MCM5: variants seen among roughly 807,000 people sequenced by gnomAD.
MCM5 encodes minichromosome maintenance complex component 5.
A neutral mutation model predicts 79.9 loss-of-function variants in MCM5; 46 were observed. The ratio of observed to expected loss-of-function variants is 0.58; its 90% CI spans 0.45 to 0.74. The LOEUF (loss-of-function observed/expected upper bound fraction) is 0.74, where lower values mean the gene tolerates loss of function less well. MCM5 is among the 30% of genes least tolerant of loss of function. The probability of loss-of-function intolerance (pLI) is 0.00; values close to 1 mark genes in which losing one functional copy is unlikely to be tolerated. For missense variants in MCM5, 883 were observed against 1,017.0 expected (o/e 0.87, Z 1.79); for synonymous variants, 404 against 390.5 (o/e 1.03, Z -0.41).
At chr22:35,414,053 G>C (rs545184041) in intron 9 of MCM5, 67 bp downstream of exon 9, 1 of 1,066,690 alleles carries the variant, frequency 9.4e-7, no homozygotes, top group East Asian at 2.4e-5. Flanking sequence ...CAGGGCCTCT[G>C]GGTCCTCAGG....
At chr22:35,416,006 T>C in intron 10 of MCM5, 34 bp downstream of exon 10, 1 of 1,599,530 alleles carries the variant, frequency 6.3e-7, no homozygotes, top group Non-Finnish European at 8.6e-7. Flanking sequence ...AGCCAAAAGG[T>C]GGGTGGCACC....
At chr22:35,436,176 AAAAAAAAG>A in the MCM5 span, among the ~76,000 whole-genome samples, 2 of 130,162 alleles carry the variant, frequency 1.5e-5, no homozygotes, top group Non-Finnish European at 3.6e-5. Context: ...AAAAAAAAAA[AAAAAAAAG>A]AAAAAAAGAA....
intron 4 of MCM5, among the ~76,000 whole-genome samples, chr22:35,405,947 G>A (rs1432379161): frequency 1.3e-5 from 2 of 151,462 alleles, no homozygotes. Context: ...GGAGGCGGAG[G>A]TTGCAGTAAG....
intron 13 of MCM5, 88 bp downstream of exon 13, chr22:35,417,944 C>T (rs944403774): frequency 3.5e-6 from 3 of 852,740 alleles, no homozygotes; most frequent in African/African-American, 3.3e-5. Flanking sequence ...TGCTCCTCCT[C>T]ATGAAGAACA....
chr22:35,417,708 C>G lies in MCM5; in HGVS notation c.1591-36C>G, dbSNP rs760709869. 10 of 1,462,818 alleles carry G rather than the reference C, an allele frequency of 6.8e-6. No individual in the cohort carries two copies. The South Asian group carries it at 1.1e-4, about 17-fold the overall frequency. The allele number at this position is 1,462,818 out of a possible 1,614,324, so 90.6% of individuals were successfully genotyped here. The stretch of plus-strand genomic sequence containing the variant: ...GTGCTGGGACTCAGGCTTGGGACGG[C>G]CTGTGGGATGACCCATTATCCCCTC... On this transcript the variant is annotated intron_variant, in intron 12 of 16. Transcript: ENST00000216122.
rs1170643026 is a variant in MCM5, at chr22:35,400,609, C to A, written c.167+4C>A. ...CGGGCTTCACCTTCAAATACAGGTG[C>A]GGCTCCTGCGGGGCCGGGGGCTCGA... On this transcript the variant is annotated splice_donor_region_variant and intron_variant, in intron 2 of 16. Coordinates refer to ENST00000216122, the MANE Select transcript of MCM5 (RefSeq NM_006739.4). 3 of 1,596,938 alleles carry A rather than the reference C, an allele frequency of 1.9e-6. No homozygotes were observed. Among genetic ancestry groups the A allele is most frequent in the Non-Finnish European group, 1.7e-6 (2 of 1,170,342 alleles).
At chr22:35,447,969 T>C in the MCM5 span, among the ~76,000 whole-genome samples, 1 of 152,034 alleles carries the variant, frequency 6.6e-6, no homozygotes, top group Admixed American at 6.5e-5. Context: ...CCCAAAAAAA[T>C]CCAGGGGAAT....
At chr22:35,418,747 C>T (rs956411319) in intron 13 of MCM5, among the ~76,000 whole-genome samples, 3 of 152,070 alleles carry the variant, frequency 2.0e-5, no homozygotes, top group African/African-American at 7.2e-5. Context: ...GCCAGGCATT[C>T]TGAATTACTA....
At chr22:35,431,923 T>G in the MCM5 span, among the ~76,000 whole-genome samples, 2 of 152,198 alleles carry the variant, frequency 1.3e-5, no homozygotes, top group Non-Finnish European at 2.9e-5. Context: ...TCTCACTTTA[T>G]GCCTGGTGAT....
At chr22:35,416,509 A>ATGTG in intron 11 of MCM5, 105 bp downstream of exon 11, 1 of 1,028,666 alleles carries the variant, frequency 9.7e-7, no homozygotes, top group South Asian at 1.4e-5. Context: ...CAGGCCTAGA[A>ATGTG]TCTGTGTGTG....
intron 14 of MCM5, 24 bp from the exon 15 acceptor site, chr22:35,421,294 C>G: frequency 1.2e-6 from 2 of 1,608,292 alleles, no homozygotes; most frequent in Non-Finnish European, 1.7e-6. Context: ...CGAGGCTACC[C>G]TGAGCACGCT....
intron 5 of MCM5, among the ~76,000 whole-genome samples, chr22:35,407,640 CTG>C (rs919553738): frequency 5.3e-4 from 81 of 152,232 alleles, no homozygotes; most frequent in African/African-American, 1.9e-3. Context: ...CTACCATAGT[CTG>C]TGTCCTCACT....
chr22:35,428,090 G>A (rs1320130437), downstream of MCM5, among the ~76,000 whole-genome samples: 3 of 149,540 alleles, frequency 2.0e-5, no homozygotes, highest in Admixed American at 6.7e-5. Flanking sequence ...GCGCGATCTC[G>A]GCTCACTGCA....
At position 35,412,635 on chromosome 22, in the gene MCM5, A is replaced by G. The variant is rs765180304; in HGVS notation, c.1045A>G (p.Met349Val). ...CCCCTCCATCTTTGGGGGCACAGACATGAAGAAGGCCATTGCCTGCCTGCT... is the reference window on the plus strand; with the variant it reads ...CCCCTCCATCTTTGGGGGCACAGACGTGAAGAAGGCCATTGCCTGCCTGCT... Reference protein sequence around the residue: ...IAPSIFGGTDMKKAIACLLFG... With the variant: ...IAPSIFGGTDVKKAIACLLFG... The change falls in exon 8 of 17, where the codon ATG (methionine) becomes GTG (valine). Residue 349 changes from methionine (M) to valine (V), a missense_variant. Coordinates refer to ENST00000216122, the MANE Select transcript of MCM5 (RefSeq NM_006739.4). 3.9e-6 allele frequency: 6 copies of G among 1,555,804 alleles called. No homozygotes were observed. The highest frequency in any genetic ancestry group is 2.4e-5 in the East Asian group (1 of 41,402).
the MCM5 span, among the ~76,000 whole-genome samples, chr22:35,452,536 C>A: frequency 3.9e-5 from 6 of 152,332 alleles, no homozygotes; most frequent in East Asian, 1.2e-3. Context: ...GGATCATAGT[C>A]ACCTCTGGGC....
Position 35,403,490 on chromosome 22 carries a change from T to G in MCM5, c.371T>G (p.Ile124Ser), listed in dbSNP as rs1442810738. Residue 124 changes from isoleucine to serine, a missense_variant, in exon 4 of 17, where the codon ATC becomes AGC. Ile to Ser is a moderately radical substitution (Grantham distance 142). This residue lies in a region of MCM5 where 455 missense variants were observed against 517.5 expected (regional missense o/e 0.88). Transcript: ENST00000216122. ...RPSGEEVLQDIQVMLKSDASP... is the reference protein window; with the variant it reads ...RPSGEEVLQDSQVMLKSDASP... Reference sequence around the variant, plus strand: ...TCTGGGGAGGAGGTGCTCCAGGACATCCAGGTCATGCTCAAGTCGGACGCC... The same window carrying G: ...TCTGGGGAGGAGGTGCTCCAGGACAGCCAGGTCATGCTCAAGTCGGACGCC... The G allele has an allele frequency of 1.2e-6, 2 of 1,614,096 alleles. No homozygotes were observed. Among genetic ancestry groups the G allele is most frequent in the Non-Finnish European group, 1.7e-6 (2 of 1,180,016 alleles).
the MCM5 span, among the ~76,000 whole-genome samples, chr22:35,450,713 C>T: frequency 1.3e-5 from 2 of 152,228 alleles, no homozygotes; most frequent in Non-Finnish European, 2.9e-5. Flanking sequence ...TGGTCCTCTC[C>T]ACCTGAGGCC....
intron 6 of MCM5, chr22:35,409,968 G>A (rs1932327811): frequency 6.6e-6 from 1 of 152,360 alleles, no homozygotes; most frequent in South Asian, 2.1e-4. Context: ...CATGAATCCT[G>A]AAAACTTACG....
the MCM5 span, among the ~76,000 whole-genome samples, chr22:35,443,026 C>T: frequency 3.9e-5 from 6 of 152,230 alleles, no homozygotes; most frequent in Admixed American, 3.9e-4. Context: ...GCATCCTCCT[C>T]TGGGCAGCCA....
Sources: gnomAD v4.1 joint callset for allele counts (sites outside exome capture counted in the v4.1 genomes callset) on GRCh38, gnomAD v4.1.1 for gene constraint, gnomAD v4.1.1 regional missense constraint, MANE v1.5 for transcripts, NCBI Gene and HGNC (gene_info 2026-07-23, HGNC 2026-07-21) for gene names.